The following CCDC182 variants were observed in gnomAD, a reference collection of about 807,000 sequenced individuals.
The protein encoded by CCDC182 is coiled-coil domain containing 182.
CCDC182 carries 1 observed loss-of-function variant against 4.6 expected under a neutral mutation model. That is an observed-to-expected ratio of 0.22 (90% CI 0.08 to 1.02). CCDC182 has a LOEUF of 1.02. CCDC182 is among the 50% of genes least tolerant of loss of function. The probability of loss-of-function intolerance (pLI) is 0.58; values close to 1 mark genes in which losing one functional copy is unlikely to be tolerated. For synonymous variants in CCDC182, 82 were observed against 83.9 expected (o/e 0.98, Z 0.12); for missense variants, 209 against 196.8 (o/e 1.06, Z -0.37).
rs918252217 is a variant in CCDC182, at chr17:57,744,583, C to T, written c.*228G>A. On this transcript the variant is annotated 3_prime_UTR_variant, in exon 1 of 1. Transcript: ENST00000299415. ...AGGAAAACAGTTCAAGTGAAAGTTA[C>T]AGGGGCCTGACTCAGTACTGGGGTG... 18 of 505,544 alleles carry T rather than the reference C, an allele frequency of 3.6e-5. No homozygotes were observed. The highest frequency in any genetic ancestry group is 5.6e-5 in the Non-Finnish European group (16 of 284,546). 31.3% of individuals were successfully genotyped at this position (505,544 alleles called of 1,614,324 possible).
chr17:57,744,748 G>C lies in CCDC182; in HGVS notation c.*63C>G. The C allele has an allele frequency of 9.2e-7, 1 of 1,088,724 alleles. No homozygotes were observed. Among genetic ancestry groups the C allele is most frequent in the Non-Finnish European group, 1.3e-6 (1 of 756,124 alleles). 67.4% of individuals were successfully genotyped at this position (1,088,724 alleles called of 1,614,324 possible). A position where few individuals can be genotyped will look rare whatever the true frequency, so the allele number is the denominator to read the frequency against. ...GGGAAAGCAAGGGGGTAGGGACTTG[G>C]GGTTTCTCCTTCCGTTAAAAAAAAT... On this transcript the variant is annotated 3_prime_UTR_variant, in exon 1 of 1. Transcript: ENST00000299415.
At position 57,744,888 on chromosome 17, in the gene CCDC182, A is replaced by C; in HGVS notation, c.385T>G (p.Cys129Gly). The C allele has an allele frequency of 6.4e-7, 1 of 1,550,526 alleles. No individual in the cohort carries two copies. The highest frequency in any genetic ancestry group is 1.2e-5 in the South Asian group (1 of 84,046). Residue 129 changes from cysteine to glycine, a missense_variant, in exon 1 of 1, where the codon TGC (cysteine) becomes GGC (glycine). Physicochemically the swap from Cys to Gly is radical, Grantham distance 159 (BLOSUM62 -3). Coordinates refer to ENST00000299415, the MANE Select transcript of CCDC182 (RefSeq NM_001282544.2). ...LPREKQLREH[C>G]KRLEDLLLDR... Reference sequence around the variant, plus strand: ...AGCAGCAGGTCCTCCAGCCGCTTGCAGTGCTCCCGGAGCTGTTTCTCGCGC... The same window carrying C: ...AGCAGCAGGTCCTCCAGCCGCTTGCCGTGCTCCCGGAGCTGTTTCTCGCGC...
In CCDC182 at chr17:57,745,297, G is replaced by A. The variant is rs764941287; in HGVS notation, c.-25C>T. 9 of 1,496,426 alleles carry A rather than the reference G, an allele frequency of 6.0e-6. No homozygotes were observed. In the East Asian group the frequency reaches 1.7e-4, roughly 29 times the overall value. 92.7% of individuals were successfully genotyped at this position (1,496,426 alleles called of 1,614,324 possible). A position where few individuals can be genotyped will look rare whatever the true frequency, so the allele number is the denominator to read the frequency against. On this transcript the variant is annotated 5_prime_UTR_variant, in exon 1 of 1. Coordinates refer to ENST00000299415, the MANE Select transcript of CCDC182 (RefSeq NM_001282544.2). Reference sequence around the variant, plus strand: ...TTGTCTCTTCTACGTTGGACAAAGAGAGGAAGCCAAGAGACCAACCAGGTC... The same window carrying A: ...TTGTCTCTTCTACGTTGGACAAAGAAAGGAAGCCAAGAGACCAACCAGGTC...
Position 57,744,955 on chromosome 17 carries a change from GTCC to G in CCDC182, c.315_317del (p.Glu105del). On this transcript the variant is annotated inframe_deletion, in exon 1 of 1. Coordinates refer to ENST00000299415, the MANE Select transcript of CCDC182 (RefSeq NM_001282544.2). ...GAACCTTGTTGCGCACGATGCCACG[GTCC>G]TCCTCCTCCCTTAGCCGCTGCCTCA... is the stretch of plus-strand genomic sequence containing the variant. The G allele has an allele frequency of 6.4e-7, 1 of 1,550,698 alleles. No individual in the cohort carries two copies. Among genetic ancestry groups the G allele is most frequent in the Non-Finnish European group, 8.7e-7 (1 of 1,147,014 alleles).
Position 57,744,809 on chromosome 17 carries a change from G to A in CCDC182, c.*2C>T, listed in dbSNP as rs2144817167. 1.3e-6 allele frequency: 2 copies of A among 1,525,062 alleles called. No homozygotes were observed. The highest frequency in any genetic ancestry group is 1.8e-6 in the Non-Finnish European group (2 of 1,129,234). The allele number at this position is 1,525,062 out of a possible 1,614,324, so 94.5% of individuals were successfully genotyped here. A position where few individuals can be genotyped will look rare whatever the true frequency, so the allele number is the denominator to read the frequency against. ...GTGCTTGGCTAGTGCCACCCACGAG[G>A]TTCAGTCAGCCTGGCTCTTCTTGGT... is the stretch of plus-strand genomic sequence containing the variant. On this transcript the variant is annotated 3_prime_UTR_variant, in exon 1 of 1. Coordinates refer to ENST00000299415, the MANE Select transcript of CCDC182 (RefSeq NM_001282544.2).
At position 57,745,293 on chromosome 17, in the gene CCDC182, AAG is replaced by A; in HGVS notation, c.-23_-22del. The stretch of plus-strand genomic sequence containing the variant: ...TCCATTGTCTCTTCTACGTTGGACA[AAG>A]AGAGGAAGCCAAGAGACCAACCAGG... On this transcript the variant is annotated 5_prime_UTR_variant, in exon 1 of 1. Transcript: ENST00000299415. 1 of 1,500,532 alleles carries A rather than the reference AAG, an allele frequency of 6.7e-7. No homozygotes were observed. 93.0% of individuals were successfully genotyped at this position (1,500,532 alleles called of 1,614,324 possible).
Position 57,744,794 on chromosome 17 carries a change from A to G in CCDC182, c.*17T>C, listed in dbSNP as rs2073268902. On this transcript the variant is annotated 3_prime_UTR_variant, in exon 1 of 1. Coordinates refer to ENST00000299415, the MANE Select transcript of CCDC182 (RefSeq NM_001282544.2). Reference sequence around the variant, plus strand: ...AAAATCTTCAACTTGGTGCTTGGCTAGTGCCACCCACGAGGTTCAGTCAGC... The same window carrying G: ...AAAATCTTCAACTTGGTGCTTGGCTGGTGCCACCCACGAGGTTCAGTCAGC... 6.7e-7 allele frequency: 1 copy of G among 1,491,876 alleles called. No homozygotes were observed. The highest frequency in any genetic ancestry group is 1.4e-5 in the African/African-American group (1 of 71,592). The allele number at this position is 1,491,876 out of a possible 1,614,324, so 92.4% of individuals were successfully genotyped here. A position where few individuals can be genotyped will look rare whatever the true frequency, so the allele number is the denominator to read the frequency against.
Position 57,745,171 on chromosome 17 carries a change from CA to C in CCDC182, c.101del (p.Leu34ArgfsTer37). ...GGAGGCAGGAGGGCCATGACTGGGA[CA>C]GGGAAAAGTCTCCAGACTGGAGGCC... ...ESGLQSGDFS[L>X]SQSWPSCLPP... On this transcript the variant is annotated frameshift_variant, in exon 1 of 1. Coordinates refer to ENST00000299415, the MANE Select transcript of CCDC182 (RefSeq NM_001282544.2). LOFTEE classifies it high-confidence loss of function. 6.4e-7 allele frequency: 1 copy of C among 1,550,620 alleles called. No homozygotes were observed. Among genetic ancestry groups the C allele is most frequent in the Admixed American group, 2.0e-5 (1 of 51,008 alleles).
In CCDC182 at chr17:57,744,843, G is replaced by A. The variant is rs1204843343; in HGVS notation, c.430C>T (p.Leu144=). Residue 144 remains leucine, a synonymous_variant, in exon 1 of 1, where the codon CTG becomes TTG. Coordinates refer to ENST00000299415, the MANE Select transcript of CCDC182 (RefSeq NM_001282544.2). ...DLLLDRGRDA[L]RATKKSQAD is the part of the protein sequence containing the mutation. ...GCCTGGCTCTTCTTGGTGGCACGCA[G>A]GGCGTCACGTCCCCTGTCCAGCAGC... The A allele has an allele frequency of 1.3e-6, 2 of 1,545,758 alleles. No individual in the cohort carries two copies. Among genetic ancestry groups the A allele is most frequent in the Admixed American group, 3.9e-5 (2 of 50,892 alleles).
Position 57,744,881 on chromosome 17 carries a change from C to A in CCDC182, c.392G>T (p.Arg131Leu). The A allele has an allele frequency of 3.2e-6, 5 of 1,550,510 alleles. No homozygotes were observed. Among genetic ancestry groups the A allele is most frequent in the Middle Eastern group, 3.4e-4 (2 of 5,942 alleles). The change falls in exon 1 of 1, where the codon CGG becomes CTG. Residue 131 changes from arginine to leucine, a missense_variant. Coordinates refer to ENST00000299415, the MANE Select transcript of CCDC182 (RefSeq NM_001282544.2). ...CCTGTCCAGCAGCAGGTCCTCCAGC[C>A]GCTTGCAGTGCTCCCGGAGCTGTTT... ...REKQLREHCKRLEDLLLDRGR... is the reference protein window; with the variant it reads ...REKQLREHCKLLEDLLLDRGR...
chr17:57,744,762 G>T lies in CCDC182; in HGVS notation c.*49C>A, dbSNP rs1190780233. The T allele has an allele frequency of 2.3e-6, 3 of 1,307,062 alleles. No homozygotes were observed. The highest frequency in any genetic ancestry group is 1.4e-5 in the South Asian group (1 of 70,380). 81.0% of individuals were successfully genotyped at this position (1,307,062 alleles called of 1,614,324 possible). ...GTAGGGACTTGGGGTTTCTCCTTCCGTTAAAAAAAATCTTCAACTTGGTGC... is the reference window on the plus strand; with the variant it reads ...GTAGGGACTTGGGGTTTCTCCTTCCTTTAAAAAAAATCTTCAACTTGGTGC... On this transcript the variant is annotated 3_prime_UTR_variant, in exon 1 of 1. Transcript: ENST00000299415.
At position 57,745,163 on chromosome 17, in the gene CCDC182, G is replaced by A. The variant is rs1228039046; in HGVS notation, c.110C>T (p.Ser37Leu). The part of the protein sequence containing the change: ...LQSGDFSLSQ[S>L]WPSCLPPPAD... ...GGGTGGTGGGAGGCAGGAGGGCCAT[G>A]ACTGGGACAGGGAAAAGTCTCCAGA... The change falls in exon 1 of 1, where the codon TCA (serine) becomes TTA (leucine). Residue 37 changes from serine (S) to leucine (L), a missense_variant. By Grantham distance (145) the Ser-to-Leu change is moderately radical. Coordinates refer to ENST00000299415, the MANE Select transcript of CCDC182 (RefSeq NM_001282544.2). The A allele has an allele frequency of 6.4e-7, 1 of 1,550,542 alleles. No homozygotes were observed. Among genetic ancestry groups the A allele is most frequent in the Non-Finnish European group, 8.7e-7 (1 of 1,147,004 alleles).
chr17:57,745,154 G>A lies in CCDC182; in HGVS notation c.119C>T (p.Ser40Phe), dbSNP rs1301927196. The A allele has an allele frequency of 6.4e-6, 10 of 1,550,678 alleles. No individual in the cohort carries two copies. Among genetic ancestry groups the A allele is most frequent in the African/African-American group, 5.5e-5 (4 of 73,162 alleles). The part of the protein sequence containing the change: ...GDFSLSQSWP[S>F]CLPPPADLEI... ...CAAGTCAGCGGGTGGTGGGAGGCAG[G>A]AGGGCCATGACTGGGACAGGGAAAA... The change falls in exon 1 of 1, where the codon TCC becomes TTC. Residue 40 changes from serine to phenylalanine, a missense_variant. Ser to Phe is a radical substitution (Grantham distance 155). Coordinates refer to ENST00000299415, the MANE Select transcript of CCDC182 (RefSeq NM_001282544.2).
rs987959277 is a variant in CCDC182 at position 57,745,267 on chromosome 17, T to G, written c.6A>C (p.Glu2Asp). ...GAATGGACCCAGCCTGGTAGAGGGG[T>G]TCCATTGTCTCTTCTACGTTGGACA... The part of the protein sequence containing the change: M[E>D]PLYQAGSILM... The change falls in exon 1 of 1, where the codon GAA becomes GAC. Residue 2 changes from glutamate to aspartate, a missense_variant. Glu to Asp is a conservative substitution (Grantham distance 45, BLOSUM62 2). Coordinates refer to ENST00000299415, the MANE Select transcript of CCDC182 (RefSeq NM_001282544.2). 7 of 1,538,442 alleles carry G rather than the reference T, an allele frequency of 4.6e-6. No homozygotes were observed. The African/African-American group carries it at 6.9e-5, about 15-fold the overall frequency.
chr17:57,745,219 C>G lies in CCDC182; in HGVS notation c.54G>C (p.Gln18His), dbSNP rs1363390349. ...GGCCACTCTCTATCATTTTTTTCCC[C>G]TGTAGGGTATTCACCGTCATGAGAA... ...GSILMTVNTL[Q>H]GKKMIESGLQ... Residue 18 changes from glutamine to histidine, a missense_variant, in exon 1 of 1, where the codon CAG (glutamine) becomes CAC (histidine). By Grantham distance (24) the Gln-to-His change is conservative. Coordinates refer to ENST00000299415, the MANE Select transcript of CCDC182 (RefSeq NM_001282544.2). The G allele has an allele frequency of 1.7e-5, 27 of 1,550,488 alleles. No individual in the cohort carries two copies. In the East Asian group the frequency reaches 6.4e-4, roughly 36 times the overall value.
chr17:57,744,766 A>AG lies in CCDC182; in HGVS notation c.*44_*45insC. The AG allele has an allele frequency of 7.5e-7, 1 of 1,339,612 alleles. No homozygotes were observed. Among genetic ancestry groups the AG allele is most frequent in the Non-Finnish European group, 1.0e-6 (1 of 982,272 alleles). The allele number at this position is 1,339,612 out of a possible 1,614,324, so 83.0% of individuals were successfully genotyped here. A position where few individuals can be genotyped will look rare whatever the true frequency, so the allele number is the denominator to read the frequency against. The stretch of plus-strand genomic sequence containing the variant: ...GGACTTGGGGTTTCTCCTTCCGTTA[A>AG]AAAAAATCTTCAACTTGGTGCTTGG... On this transcript the variant is annotated 3_prime_UTR_variant, in exon 1 of 1. Coordinates refer to ENST00000299415, the MANE Select transcript of CCDC182 (RefSeq NM_001282544.2).
In CCDC182 at chr17:57,745,246, G is replaced by A. The variant is rs747290014; in HGVS notation, c.27C>T (p.Ser9=). 5.2e-6 allele frequency: 8 copies of A among 1,547,376 alleles called. No individual in the cohort carries two copies. Among genetic ancestry groups the A allele is most frequent in the Non-Finnish European group, 7.0e-6 (8 of 1,144,276 alleles). Residue 9 remains serine, a synonymous_variant, in exon 1 of 1, where the codon TCC becomes TCT. Transcript: ENST00000299415. The part of the protein sequence containing the change: MEPLYQAG[S]ILMTVNTLQG... ...GTAGGGTATTCACCGTCATGAGAATGGACCCAGCCTGGTAGAGGGGTTCCA... is the reference window on the plus strand; with the variant it reads ...GTAGGGTATTCACCGTCATGAGAATAGACCCAGCCTGGTAGAGGGGTTCCA...
rs1017935998 is a variant in CCDC182 at position 57,745,101 on chromosome 17, C to T, written c.172G>A (p.Val58Met). ...TTAAAGTCCTCCAGTTCCCGTTGCA[C>T]CCCGGCCACCTTCTGCTGCAGGATC... ...LEILQQKVAG[V>M]QRELEDFKKE... Residue 58 changes from valine to methionine, a missense_variant, in exon 1 of 1, where the codon GTG becomes ATG. Val to Met is a conservative substitution (Grantham distance 21, BLOSUM62 1). Transcript: ENST00000299415. The T allele has an allele frequency of 3.2e-6, 5 of 1,550,746 alleles. No individual in the cohort carries two copies. Among genetic ancestry groups the T allele is most frequent in the African/African-American group, 2.7e-5 (2 of 73,046 alleles).
rs868605888 is a variant in CCDC182 at position 57,745,038 on chromosome 17, C to T, written c.235G>A (p.Ala79Thr). The change falls in exon 1 of 1, where the codon GCC (alanine) becomes ACC (threonine). Residue 79 changes from alanine (A) to threonine (T), a missense_variant. Ala to Thr is a moderately conservative substitution (Grantham distance 58). Transcript: ENST00000299415. ...ALKSIHYLED[A>T]FCEMNGALVQ... ...AGGGCTCCATTCATCTCGCAGAAGG[C>T]GTCTTCAAGGTAATGAATGGACTTC... 8 of 1,550,876 alleles carry T rather than the reference C, an allele frequency of 5.2e-6. No individual in the cohort carries two copies. Among genetic ancestry groups the T allele is most frequent in the African/African-American group, 4.1e-5 (3 of 73,032 alleles).
Sources: allele counts gnomAD v4.1 joint callset, GRCh38; gene constraint gnomAD v4.1.1; transcripts MANE v1.5; gene names NCBI Gene and HGNC (gene_info 2026-07-23, HGNC 2026-07-21).